The following TENM2 variants were observed in gnomAD, a reference collection of about 807,000 sequenced individuals.
TENM2 encodes the protein teneurin-2.
In TENM2, 52 loss-of-function variants were observed where a neutral mutation model predicts 245.2. The observed-to-expected ratio is 0.21, with a 90% CI of 0.17 to 0.27. The LOEUF (loss-of-function observed/expected upper bound fraction) is 0.27. Ranked by LOEUF, TENM2 falls within the 10% of genes least tolerant of loss-of-function variation. The pLI is 1.00. For missense variants in TENM2, 3,046 were observed against 3,666.8 expected (o/e 0.83, Z 4.37); for synonymous variants, 1,363 against 1,438.9 (o/e 0.95, Z 1.19).
intron 4 of TENM2, 114 bp from the exon 7 acceptor site, chr5:167,992,830 G>A (rs1783770164): frequency 9.5e-6 from 7 of 740,398 alleles, no homozygotes; most frequent in Non-Finnish European, 6.9e-6. Context: ...TCCAGGGTAA[G>A]CTTAGTTAAC....
At chr5:167,279,087 T>G in the TENM2 span, among the ~76,000 whole-genome samples, 1 of 152,192 alleles carries the variant, frequency 6.6e-6, no homozygotes, top group Non-Finnish European at 1.5e-5. Flanking sequence ...TTTCAGTACT[T>G]GAAAAATGTT....
chr5:167,863,782 A>G lies in TENM2; in HGVS notation c.503-12204A>G, dbSNP rs943031668. Reference sequence around the variant, plus strand: ...AAGCTAGCAGCTAGGTAGCCACAATAAAGAACCCTGATCTCCTAACTCCTA... The same window carrying G: ...AAGCTAGCAGCTAGGTAGCCACAATGAAGAACCCTGATCTCCTAACTCCTA... On this transcript the variant is annotated intron_variant, in intron 2 of 28. Coordinates refer to ENST00000518659, the Ensembl canonical transcript of TENM2. 7.2e-5 allele frequency among the ~76,000 whole-genome samples: 11 copies of G among 152,336 alleles called. No homozygotes were observed. The South Asian group carries it at 2.3e-3, about 32-fold the overall frequency.
At chr5:167,359,140 G>A (rs769536761) in intron 1 of TENM2, among the ~76,000 whole-genome samples, 1 of 152,170 alleles carries the variant, frequency 6.6e-6, no homozygotes, top group Non-Finnish European at 1.5e-5. Context: ...CTTTTAAAAT[G>A]TAAATTAGAT....
At chr5:167,815,782 G>A (rs1158545390) in intron 2 of TENM2, among the ~76,000 whole-genome samples, 4 of 151,112 alleles carry the variant, frequency 2.6e-5, no homozygotes, top group African/African-American at 9.7e-5. Flanking sequence ...GAGAATGAGA[G>A]GGAAAATAAA....
intron 4 of TENM2, among the ~76,000 whole-genome samples, chr5:167,962,294 GAA>G (rs11324621): frequency 2.8e-3 from 398 of 140,214 alleles, no homozygotes; most frequent in African/African-American, 9.5e-3. Flanking sequence ...CCATCAAAAG[GAA>G]AAAAAAAAAA....
At chr5:168,150,703 G>A (rs1168529297) in intron 12 of TENM2, among the ~76,000 whole-genome samples, 1 of 152,144 alleles carries the variant, frequency 6.6e-6, no homozygotes, top group Non-Finnish European at 1.5e-5. Context: ...GATTTCTTGG[G>A]GAACAAGAAA....
At chr5:167,710,972 T>C (rs1053201404) in intron 2 of TENM2, among the ~76,000 whole-genome samples, 1 of 152,202 alleles carries the variant, frequency 6.6e-6, no homozygotes, top group Non-Finnish European at 1.5e-5. Context: ...CAAGTAGTCA[T>C]TAACATGTCT....
At chr5:167,275,025 C>T in the TENM2 span, among the ~76,000 whole-genome samples, 4 of 151,898 alleles carry the variant, frequency 2.6e-5, no homozygotes, top group Non-Finnish European at 4.4e-5. Context: ...TATATACACA[C>T]ATATATTTAT....
chr5:167,895,243 C>T (rs1372830113), intron 3 of TENM2, among the ~76,000 whole-genome samples: 6 of 152,084 alleles, frequency 3.9e-5, no homozygotes, highest in Admixed American at 3.9e-4. Flanking sequence ...TTCTCCTCTT[C>T]CTCCTCTCCT....
chr5:167,067,262 A>G, the TENM2 span, among the ~76,000 whole-genome samples: 1 of 152,192 alleles, frequency 6.6e-6, no homozygotes, highest in East Asian at 1.9e-4. Context: ...ATGAATTGAT[A>G]TTACATGGAA....
rs114623801 is a variant in TENM2 at position 168,256,767 on chromosome 5, G to A, written c.7433-3516G>A. ...ATGGACTATTGTTATGTGTGTAGAT[G>A]CCAAGTCTTTCAATGACTAGTCTGT... On this transcript the variant is annotated intron_variant, in intron 27 of 28. Transcript: ENST00000518659. Among the ~76,000 whole-genome samples the A allele has an allele frequency of 9.4e-3, 1,409 of 150,582 alleles. 20 individuals carry two copies. Among genetic ancestry groups the A allele is most frequent in the African/African-American group, 0.033 (1,345 of 41,006 alleles).
intron 2 of TENM2, among the ~76,000 whole-genome samples, chr5:167,632,764 G>A (rs1442602019): frequency 6.6e-6 from 1 of 151,994 alleles, no homozygotes; most frequent in African/African-American, 2.4e-5. Flanking sequence ...GCACTATGTA[G>A]CTATTTTTAT....
At chr5:168,209,004 T>C (rs950433464) in intron 19 of TENM2, among the ~76,000 whole-genome samples, 4 of 152,196 alleles carry the variant, frequency 2.6e-5, no homozygotes, top group Non-Finnish European at 5.9e-5. Flanking sequence ...ATACATGTTT[T>C]TCTATACTTT....
intron 2 of TENM2, among the ~76,000 whole-genome samples, chr5:167,600,977 A>G (rs980265308): frequency 6.6e-6 from 1 of 152,174 alleles, no homozygotes; most frequent in East Asian, 1.9e-4. Context: ...GGCATAATTT[A>G]TTCACTCATC....
At chr5:167,316,742 CTG>C (rs1252154843) in intron 1 of TENM2, among the ~76,000 whole-genome samples, 1 of 152,106 alleles carries the variant, frequency 6.6e-6, no homozygotes, top group East Asian at 1.9e-4. Flanking sequence ...CAATATTTTT[CTG>C]TCTTTTTAAA....
intron 2 of TENM2, among the ~76,000 whole-genome samples, chr5:167,692,390 C>T (rs552462569): frequency 5.9e-5 from 9 of 152,264 alleles, no homozygotes; most frequent in African/African-American, 2.2e-4. Context: ...GATCATCACC[C>T]CTGGACAGTC....
the TENM2 span, among the ~76,000 whole-genome samples, chr5:167,083,096 A>G: frequency 2.6e-5 from 4 of 152,126 alleles, no homozygotes; most frequent in African/African-American, 9.6e-5. Flanking sequence ...GTGGGAGATA[A>G]GGTTGGTAAA....
chr5:168,249,239 G>C (rs766015572), intron 27 of TENM2, among the ~76,000 whole-genome samples: 15 of 152,096 alleles, frequency 9.9e-5, no homozygotes, highest in East Asian at 1.9e-4. Context: ...ATGAGTGAGC[G>C]TAAGTATCGA....
chr5:167,319,256 A>G (rs557855134), intron 1 of TENM2, among the ~76,000 whole-genome samples: 6 of 152,262 alleles, frequency 3.9e-5, no homozygotes, highest in African/African-American at 1.4e-4. Context: ...TCTGCTTTTT[A>G]GTTATATGAC....
Sources: gnomAD v4.1 joint callset for allele counts (sites outside exome capture counted in the v4.1 genomes callset) on GRCh38, gnomAD v4.1.1 for gene constraint, MANE v1.5 for transcripts, NCBI Gene and HGNC (gene_info 2026-07-23, HGNC 2026-07-21) for gene names.